The following KCNH1 variants were observed in gnomAD, a reference collection of about 807,000 sequenced individuals.
KCNH1 encodes voltage-gated delayed rectifier potassium channel KCNH1.
A neutral mutation model predicts 69.2 loss-of-function variants in KCNH1; 27 were observed. That is an observed-to-expected ratio of 0.39 (90% CI 0.29 to 0.54). The LOEUF is 0.54. Among genes scored for constraint, KCNH1 ranks in the 20% least tolerant of loss-of-function variants. KCNH1 has a pLI of 0.68. For missense variants in KCNH1, 798 were observed against 1,261.6 expected (o/e 0.63, Z 5.57); for synonymous variants, 456 against 487.7 (o/e 0.93, Z 0.86).
chr1:211,037,537 C>A (rs1029601264), intron 5 of KCNH1, among the ~76,000 whole-genome samples: 3 of 122,298 alleles, frequency 2.5e-5, no homozygotes, highest in African/African-American at 9.4e-5. Context: ...CTCTTGATAA[C>A]TTACTGTTTT....
intron 6 of KCNH1, among the ~76,000 whole-genome samples, chr1:210,921,994 T>C (rs981693250): frequency 1.3e-5 from 2 of 152,098 alleles, no homozygotes; most frequent in African/African-American, 4.8e-5. Context: ...ATACGTAGCA[T>C]AGCCTTGTCA....
chr1:211,031,288 A>G (rs1348604788), intron 5 of KCNH1, among the ~76,000 whole-genome samples: 1 of 152,196 alleles, frequency 6.6e-6, no homozygotes, highest in African/African-American at 2.4e-5. Context: ...AACCAGATGG[A>G]TTCACAGCCA....
intron 10 of KCNH1, among the ~76,000 whole-genome samples, chr1:210,749,742 CTTT>C (rs34174582): frequency 1.5e-5 from 2 of 130,550 alleles, no homozygotes; most frequent in Admixed American, 8.1e-5. Flanking sequence ...AGGCTGCTCA[CTTT>C]TTTTTTTTTT....
chr1:211,027,245 C>G (rs1342398544), intron 5 of KCNH1, among the ~76,000 whole-genome samples: 2 of 151,930 alleles, frequency 1.3e-5, no homozygotes, highest in East Asian at 1.9e-4. Flanking sequence ...ATATAAGGAA[C>G]CAAATGGAAG....
intron 5 of KCNH1, among the ~76,000 whole-genome samples, chr1:211,057,529 C>T (rs112222539): frequency 6.6e-6 from 1 of 151,878 alleles, no homozygotes; most frequent in Non-Finnish European, 1.5e-5. Context: ...GTCCCAGTTA[C>T]TTGGGAGGCT....
chr1:211,010,247 C>G (rs1380251742), intron 6 of KCNH1, among the ~76,000 whole-genome samples: 1 of 152,052 alleles, frequency 6.6e-6, no homozygotes, highest in Admixed American at 6.5e-5. Flanking sequence ...GTTCAGTGCA[C>G]TAGTGGAGGT....
intron 6 of KCNH1, among the ~76,000 whole-genome samples, chr1:210,987,696 G>A (rs11119652): frequency 2.0e-5 from 3 of 152,306 alleles, no homozygotes; most frequent in East Asian, 1.9e-4. Context: ...TGCCCCTACT[G>A]GGGGGTGCCT....
chr1:210,923,487 C>T (rs1351984245), intron 6 of KCNH1, among the ~76,000 whole-genome samples: 1 of 152,220 alleles, frequency 6.6e-6, no homozygotes, highest in Non-Finnish European at 1.5e-5. Flanking sequence ...AATTACTACC[C>T]AAAAGCTATG....
intron 10 of KCNH1, among the ~76,000 whole-genome samples, chr1:210,721,049 A>G (rs924681207): frequency 2.6e-5 from 4 of 152,110 alleles, no homozygotes; most frequent in African/African-American, 9.7e-5. Flanking sequence ...TCCTCATTTG[A>G]TAGCTAGGAC....
chr1:211,046,188 T>C (rs1690093042), intron 5 of KCNH1, among the ~76,000 whole-genome samples: 2 of 152,134 alleles, frequency 1.3e-5, no homozygotes, highest in Admixed American at 6.6e-5. Flanking sequence ...AGCATGGGAG[T>C]GCAGCTATCT....
intron 10 of KCNH1, among the ~76,000 whole-genome samples, chr1:210,715,284 C>T (rs1488700622): frequency 6.6e-6 from 1 of 152,134 alleles, no homozygotes; most frequent in African/African-American, 2.4e-5. Context: ...CCTGTCACTC[C>T]CTGCAAGAGG....
chr1:210,768,284 T>C (rs77255945), intron 10 of KCNH1, among the ~76,000 whole-genome samples: 4,093 of 152,248 alleles, frequency 0.027, 190 homozygotes, highest in African/African-American at 0.093. Context: ...TTCTAAGGCC[T>C]CTATTTCATA....
At chr1:211,129,192 A>G (rs1472685305) in intron 1 of KCNH1, among the ~76,000 whole-genome samples, 1 of 152,218 alleles carries the variant, frequency 6.6e-6, no homozygotes, top group Non-Finnish European at 1.5e-5. Context: ...TATGGTCCAA[A>G]TATCCTAAGT....
intron 7 of KCNH1, among the ~76,000 whole-genome samples, chr1:210,905,977 C>T (rs999059563): frequency 1.3e-5 from 2 of 152,204 alleles, no homozygotes; most frequent in African/African-American, 4.8e-5. Context: ...GCCCTTACTC[C>T]TCTCAAACCA....
intron 10 of KCNH1, among the ~76,000 whole-genome samples, chr1:210,706,060 C>A (rs547190937): frequency 6.6e-6 from 1 of 152,344 alleles, no homozygotes; most frequent in Admixed American, 6.5e-5. Context: ...TAAGTGGAAG[C>A]AACAAGACTC....
intron 5 of KCNH1, among the ~76,000 whole-genome samples, chr1:211,058,481 T>A (rs1690357509): frequency 6.6e-6 from 1 of 152,190 alleles, no homozygotes; most frequent in Non-Finnish European, 1.5e-5. Flanking sequence ...CAGACTTTTT[T>A]ATCAGTTTTC....
Position 211,066,147 on chromosome 1 carries a change from C to T in KCNH1, c.558+16633G>A, listed in dbSNP as rs544763469. Among the ~76,000 whole-genome samples, 290 of 152,036 alleles carry T rather than the reference C, an allele frequency of 1.9e-3. 2 individuals carry two copies. Among genetic ancestry groups the T allele is most frequent in the Middle Eastern group, 3.4e-3 (1 of 294 alleles). On this transcript the variant is annotated intron_variant, in intron 5 of 10. Coordinates refer to ENST00000271751, the MANE Select transcript of KCNH1 (RefSeq NM_172362.3). ...TTAAAAAATGGTTACTTGCAAGAAA[C>T]GATGGGTATTTCATGTTTTACTTTA... is the stretch of plus-strand genomic sequence containing the variant.
intron 6 of KCNH1, among the ~76,000 whole-genome samples, chr1:210,962,340 T>G (rs893972610): frequency 6.6e-6 from 1 of 152,220 alleles, no homozygotes; most frequent in African/African-American, 2.4e-5. Context: ...TTCCATTTTT[T>G]TCATTGCTTC....
Position 210,764,125 on chromosome 1 carries a change from T to C in KCNH1, c.2112+11223A>G, listed in dbSNP as rs562417049. Among the ~76,000 whole-genome samples the C allele has an allele frequency of 7.2e-5, 11 of 152,174 alleles. No individual in the cohort carries two copies. In the South Asian group the frequency reaches 8.3e-4, roughly 11 times the overall value. ...ACAAAAATAAACAATAGGGAAAGAA[T>C]ACCCTATTCAATAAATGATACGAGA... On this transcript the variant is annotated intron_variant, in intron 10 of 10. Transcript: ENST00000271751.
Sources: allele counts gnomAD v4.1 joint callset (sites outside exome capture counted in the v4.1 genomes callset), GRCh38; gene constraint gnomAD v4.1.1; transcripts MANE v1.5; gene names NCBI Gene and HGNC (gene_info 2026-07-23, HGNC 2026-07-21).